Variants in CCDC7 observed in about 807,000 individuals in gnomAD.
The protein encoded by CCDC7 is coiled-coil domain-containing protein 7.
CCDC7 carries 183 observed loss-of-function variants against 196.9 expected under a neutral mutation model. The ratio of observed to expected loss-of-function variants is 0.93; its 90% CI spans 0.82 to 1.05. The LOEUF (loss-of-function observed/expected upper bound fraction) is 1.05. Ranked by LOEUF, CCDC7 falls within the 50% of genes least tolerant of loss-of-function variation. CCDC7 has a pLI of 0.00. For missense variants in CCDC7, 1,540 were observed against 1,482.2 expected, an observed-to-expected ratio of 1.04 and a Z score of -0.64; for synonymous variants, 525 against 484.6, an observed-to-expected ratio of 1.08 and a Z score of -1.10.
intron 8 of CCDC7, among the ~76,000 whole-genome samples, chr10:32,485,333 T>A (rs1382546190): frequency 6.6e-6 from 1 of 152,260 alleles, no homozygotes; most frequent in Non-Finnish European, 1.5e-5. Context: ...GTAGGATTGG[T>A]GGTGATATCC....
chr10:32,702,406 C>A (rs2078914472), intron 24 of CCDC7, among the ~76,000 whole-genome samples: 1 of 152,108 alleles, frequency 6.6e-6, no homozygotes, highest in Non-Finnish European at 1.5e-5. Flanking sequence ...AATTTCTTTG[C>A]TTTTACATTT....
intron 20 of CCDC7, among the ~76,000 whole-genome samples, chr10:32,636,465 G>A (rs1033713256): frequency 7.2e-5 from 11 of 152,086 alleles, no homozygotes; most frequent in African/African-American, 2.7e-4. Context: ...ACCTATGAGT[G>A]AGAACATGCG....
intron 29 of CCDC7, among the ~76,000 whole-genome samples, chr10:32,794,311 T>C (rs1258229637): frequency 6.6e-6 from 1 of 152,234 alleles, no homozygotes; most frequent in Non-Finnish European, 1.5e-5. Context: ...ATTTTCTTTA[T>C]CCAGTCCACA....
At chr10:32,732,440 TAATC>T (rs1360443103) in intron 28 of CCDC7, among the ~76,000 whole-genome samples, 2 of 152,176 alleles carry the variant, frequency 1.3e-5, no homozygotes, top group African/African-American at 2.4e-5. Flanking sequence ...TGTCGTTGAT[TAATC>T]ATATTTTTCA....
chr10:32,861,115 CAAAAAAA>C (rs142801821), intron 41 of CCDC7, among the ~76,000 whole-genome samples: 15 of 97,126 alleles, frequency 1.5e-4, no homozygotes, highest in African/African-American at 3.2e-4. Flanking sequence ...CAATCATAAG[CAAAAAAA>C]AAAAAAAAAA....
At chr10:32,547,333 C>T (rs2052640626) in intron 13 of CCDC7, among the ~76,000 whole-genome samples, 1 of 152,144 alleles carries the variant, frequency 6.6e-6, no homozygotes, top group Non-Finnish European at 1.5e-5. Context: ...GGCTAGCTCA[C>T]AAGAGTCTCT....
intron 41 of CCDC7, among the ~76,000 whole-genome samples, chr10:32,872,261 A>G (rs2094456348): frequency 6.6e-6 from 1 of 151,874 alleles, no homozygotes. Flanking sequence ...TTAGGTCTCT[A>G]AGGACTTGCT....
intron 18 of CCDC7, among the ~76,000 whole-genome samples, chr10:32,626,924 G>T (rs1369576054): frequency 6.6e-6 from 1 of 151,710 alleles, no homozygotes; most frequent in Non-Finnish European, 1.5e-5. Flanking sequence ...TACTTTTTTT[G>T]GCAGTACCAT....
At chr10:32,545,178 G>T (rs2947068) in intron 13 of CCDC7, among the ~76,000 whole-genome samples, 38,178 of 151,982 alleles carry the variant, frequency 0.25, 5,388 homozygotes, top group South Asian at 0.44. Context: ...AGTGGAGCAA[G>T]CTTTTTAATG....
intron 25 of CCDC7, among the ~76,000 whole-genome samples, chr10:32,714,970 G>A (rs749585592): frequency 6.6e-6 from 1 of 152,118 alleles, no homozygotes; most frequent in African/African-American, 2.4e-5. Flanking sequence ...TGTGGGCGCA[G>A]CTTCAGCAAA....
chr10:32,625,416 A>G (rs1043689509), intron 18 of CCDC7, among the ~76,000 whole-genome samples: 5 of 151,698 alleles, frequency 3.3e-5, no homozygotes, highest in Non-Finnish European at 7.4e-5. Flanking sequence ...ATATACCATT[A>G]CAATACTGTT....
intron 5 of CCDC7, among the ~76,000 whole-genome samples, chr10:32,467,434 GTT>G (rs2037068029): frequency 1.4e-5 from 1 of 70,454 alleles, no homozygotes; most frequent in Non-Finnish European, 5.7e-5. Context: ...TAATGGTGTT[GTT>G]TGTTTGTGTC....
intron 20 of CCDC7, among the ~76,000 whole-genome samples, chr10:32,635,615 A>G (rs1284560398): frequency 6.6e-6 from 1 of 152,046 alleles, no homozygotes; most frequent in Non-Finnish European, 1.5e-5. Context: ...TGAGACCCTC[A>G]TTGCCACAAA....
At chr10:32,541,364 TATGGGTATCA>T (rs2051394915) in intron 11 of CCDC7, among the ~76,000 whole-genome samples, 1 of 146,492 alleles carries the variant, frequency 6.8e-6, no homozygotes, top group Non-Finnish European at 1.5e-5. Flanking sequence ...GTGTTGCCCA[TATGGGTATCA>T]ATGGGAGGGG....
At chr10:32,544,336 G>T in intron 13 of CCDC7, 35 bp downstream of exon 14, 2 of 1,579,976 alleles carry the variant, frequency 1.3e-6, no homozygotes, top group South Asian at 2.3e-5. Context: ...ATCAATATTT[G>T]ATTAATACTT....
chr10:32,456,190 AAGAC>A (rs1315736287), intron 2 of CCDC7, 57 bp from the exon 4 acceptor site: 13 of 1,352,524 alleles, frequency 9.6e-6, no homozygotes, highest in Admixed American at 2.7e-5. Context: ...ATGCTAGAAA[AAGAC>A]AGACATGCAT....
chr10:32,625,068 A>C (rs911663529), intron 18 of CCDC7, among the ~76,000 whole-genome samples: 1 of 113,706 alleles, frequency 8.8e-6, no homozygotes, highest in Non-Finnish European at 1.7e-5. Context: ...GTTGCCAGTG[A>C]TTTTGGTGTC....
At chr10:32,469,286 A>G (rs971826383) in intron 5 of CCDC7, among the ~76,000 whole-genome samples, 1 of 152,252 alleles carries the variant, frequency 6.6e-6, no homozygotes, top group Non-Finnish European at 1.5e-5. Flanking sequence ...TAAAGGAGTA[A>G]AGATAATTCT....
chr10:32,770,169 G>C (rs904996745), intron 28 of CCDC7, among the ~76,000 whole-genome samples: 1 of 151,984 alleles, frequency 6.6e-6, no homozygotes, highest in African/African-American at 2.4e-5. Context: ...TTTGGGTTTG[G>C]TTTGTTCTTG....
Sources: gnomAD v4.1 joint callset for allele counts (sites outside exome capture counted in the v4.1 genomes callset) on GRCh38, gnomAD v4.1.1 for gene constraint, MANE v1.5 for transcripts, NCBI Gene and HGNC (gene_info 2026-07-23, HGNC 2026-07-21) for gene names.